The following CDH8 variants were observed in gnomAD, a reference collection of about 807,000 sequenced individuals.
CDH8 encodes cadherin 8.
In CDH8, 17 loss-of-function variants were observed where a neutral mutation model predicts 68.1. The ratio of observed to expected loss-of-function variants is 0.25; its 90% CI spans 0.17 to 0.37. CDH8 has a LOEUF of 0.37. Ranked by LOEUF, CDH8 falls within the 10% of genes least tolerant of loss-of-function variation. The pLI is 1.00. For synonymous variants in CDH8, 372 were observed against 365.1 expected (o/e 1.02, Z -0.21); for missense variants, 763 against 999.3 (o/e 0.76, Z 3.19).
At chr16:61,923,286 C>T (rs746317399) in intron 2 of CDH8, among the ~76,000 whole-genome samples, 3 of 152,076 alleles carry the variant, frequency 2.0e-5, no homozygotes, top group Non-Finnish European at 4.4e-5. Flanking sequence ...CCTTTCATTC[C>T]ACCGTCGGTC....
chr16:61,922,208 G>A (rs776004612), intron 2 of CDH8, among the ~76,000 whole-genome samples: 11 of 152,114 alleles, frequency 7.2e-5, no homozygotes, highest in Non-Finnish European at 1.6e-4. Context: ...CCAGGCCTTT[G>A]ATAACAAATA....
intron 9 of CDH8, among the ~76,000 whole-genome samples, chr16:61,724,544 C>G (rs1959286826): frequency 6.6e-6 from 1 of 150,518 alleles, no homozygotes; most frequent in Admixed American, 6.7e-5. Context: ...CCAGCTACAC[C>G]ATCTCCCAGG....
intron 10 of CDH8, 92 bp from the exon 11 acceptor site, chr16:61,655,813 C>A: frequency 8.9e-7 from 1 of 1,125,722 alleles, no homozygotes; most frequent in Non-Finnish European, 1.3e-6. Flanking sequence ...CCTTTGCAAA[C>A]CTCAAGACAA....
Position 61,825,102 on chromosome 16 carries a change from T to A in CDH8, c.745A>T (p.Met249Leu). 1 of 1,611,922 alleles carries A rather than the reference T, an allele frequency of 6.2e-7. No individual in the cohort carries two copies. The highest frequency in any genetic ancestry group is 8.5e-7 in the Non-Finnish European group (1 of 1,178,592). The change falls in exon 5 of 12, where the codon ATG (methionine) becomes TTG (leucine). Residue 249 changes from methionine to leucine, a missense_variant. Transcript: ENST00000577390. Reference sequence around the variant, plus strand: ...GACAGGCCACCAGAGTGTCCACCCATATCTTTGGCTTGGATAACAACCAGG... The same window carrying A: ...GACAGGCCACCAGAGTGTCCACCCAAATCTTTGGCTTGGATAACAACCAGG... ...EYLVVIQAKD[M>L]GGHSGGLSGT...
At chr16:61,752,004 A>G (rs1478205460) in intron 8 of CDH8, among the ~76,000 whole-genome samples, 1 of 152,112 alleles carries the variant, frequency 6.6e-6, no homozygotes, top group Non-Finnish European at 1.5e-5. Context: ...TACTCCAGAC[A>G]CTTTCCTAGA....
chr16:61,776,133 G>C (rs1036287722), intron 8 of CDH8, among the ~76,000 whole-genome samples: 2 of 152,028 alleles, frequency 1.3e-5, no homozygotes, highest in Non-Finnish European at 2.9e-5. Flanking sequence ...GGAAGGCAGG[G>C]GGATGAAAGA....
At chr16:61,732,190 A>C (rs1217145476) in intron 8 of CDH8, among the ~76,000 whole-genome samples, 1 of 151,792 alleles carries the variant, frequency 6.6e-6, no homozygotes, top group Non-Finnish European at 1.5e-5. Flanking sequence ...AATGGAGAAA[A>C]AAATGAACAA....
intron 8 of CDH8, among the ~76,000 whole-genome samples, chr16:61,732,150 A>T (rs1383264452): frequency 6.6e-6 from 1 of 151,688 alleles, no homozygotes; most frequent in African/African-American, 2.4e-5. Context: ...TATATGCATA[A>T]TAGTAATGAG....
At chr16:61,768,387 T>TCC (rs1960681830) in intron 8 of CDH8, among the ~76,000 whole-genome samples, 1 of 85,686 alleles carries the variant, frequency 1.2e-5, no homozygotes, top group Non-Finnish European at 2.3e-5. Context: ...TCTCTCTCTC[T>TCC]CTCTCTCCCT....
chr16:61,822,200 C>T (rs1051159429), intron 5 of CDH8, among the ~76,000 whole-genome samples: 7 of 107,708 alleles, frequency 6.5e-5, no homozygotes, highest in Admixed American at 1.2e-4. Flanking sequence ...GGCTCAAAAA[C>T]GCACCTTTTT....
chr16:61,919,582 G>A (rs541327013), intron 2 of CDH8, among the ~76,000 whole-genome samples: 6,640 of 150,252 alleles, frequency 0.044, 464 homozygotes, highest in African/African-American at 0.16. Context: ...AAGATGAAAT[G>A]AATGAAATGA....
chr16:61,666,206 G>GTGTATA (rs372906173), intron 10 of CDH8, among the ~76,000 whole-genome samples: 28 of 145,608 alleles, frequency 1.9e-4, no homozygotes, highest in East Asian at 1.4e-3. Context: ...GTGTGTGTGT[G>GTGTATA]TATATATATA....
intron 10 of CDH8, among the ~76,000 whole-genome samples, chr16:61,662,630 A>G (rs896163263): frequency 1.3e-5 from 2 of 151,914 alleles, no homozygotes; most frequent in Non-Finnish European, 2.9e-5. Flanking sequence ...TAAAAAAATA[A>G]AGAATAACAA....
chr16:61,827,173 C>G lies in CDH8; in HGVS notation c.668-1994G>C, dbSNP rs79143185. ...TGCTATGAATATACATTTTCATGAC[C>G]TAGAATGTTTTCATTATGGCTCAAA... On this transcript the variant is annotated intron_variant, in intron 4 of 11. Transcript: ENST00000577390. Among the ~76,000 whole-genome samples, 966 of 151,908 alleles carry G rather than the reference C, an allele frequency of 6.4e-3. 7 individuals carry two copies. Among genetic ancestry groups the G allele is most frequent in the African/African-American group, 0.022 (929 of 41,486 alleles).
intron 8 of CDH8, among the ~76,000 whole-genome samples, chr16:61,751,396 A>C (rs966615898): frequency 6.8e-6 from 1 of 147,654 alleles, no homozygotes; most frequent in Non-Finnish European, 1.5e-5. Flanking sequence ...AAAAAAAAAA[A>C]AAAAAAAAAA....
chr16:61,655,353 G>T, intron 11 of CDH8, 117 bp downstream of exon 11: 1 of 979,154 alleles, frequency 1.0e-6, no homozygotes, highest in Non-Finnish European at 1.5e-6. Context: ...AGGAAAGGAA[G>T]TTCCTCTTCC....
In CDH8 at chr16:61,967,130, G is replaced by A. The variant is rs950558669; in HGVS notation, c.252+54022C>T. 5.9e-5 allele frequency among the ~76,000 whole-genome samples: 9 copies of A among 152,310 alleles called. No homozygotes were observed. The East Asian group carries it at 1.7e-3, about 29-fold the overall frequency. On this transcript the variant is annotated intron_variant, in intron 2 of 11. Transcript: ENST00000577390. ...ACGGGAAGATCCCTTGAGCCCAGGAGTCCGAGGCTGCAGTAAGATATGGCT... is the reference window on the plus strand; with the variant it reads ...ACGGGAAGATCCCTTGAGCCCAGGAATCCGAGGCTGCAGTAAGATATGGCT...
In CDH8 at chr16:61,663,134, A is replaced by T. The variant is rs573113100; in HGVS notation, c.1655-7413T>A. On this transcript the variant is annotated intron_variant, in intron 10 of 11. Transcript: ENST00000577390. ...AATTGAGTTTCCTTCTCCTTGGCTG[A>T]GAAATACAAGGTATGTGCCAAGTAA... is the stretch of plus-strand genomic sequence containing the variant. Among the ~76,000 whole-genome samples, 23 of 152,110 alleles carry T rather than the reference A, an allele frequency of 1.5e-4. 1 individual carries two copies. Among genetic ancestry groups the T allele is most frequent in the Non-Finnish European group, 3.1e-4 (21 of 67,942 alleles).
intron 8 of CDH8, among the ~76,000 whole-genome samples, chr16:61,760,687 AG>A (rs1159798663): frequency 1.3e-5 from 2 of 152,202 alleles, no homozygotes; most frequent in Admixed American, 6.6e-5. Flanking sequence ...TCTAAAATAG[AG>A]GCTAAAACTA....
Sources: gnomAD v4.1 joint callset for allele counts (sites outside exome capture counted in the v4.1 genomes callset) on GRCh38, gnomAD v4.1.1 for gene constraint, MANE v1.5 for transcripts, NCBI Gene and HGNC (gene_info 2026-07-23, HGNC 2026-07-21) for gene names.